CACNG8: variants seen among roughly 807,000 people sequenced by gnomAD.
CACNG8 encodes the protein voltage-dependent calcium channel gamma-8 subunit.
In CACNG8, 5 loss-of-function variants were observed where a neutral mutation model predicts 26.9. That is an observed-to-expected ratio of 0.19 (90% CI 0.10 to 0.39). The LOEUF (loss-of-function observed/expected upper bound fraction) is 0.39, where lower values mean the gene tolerates loss of function less well. CACNG8 is among the 10% of genes least tolerant of loss of function. The pLI, the probability that CACNG8 is intolerant of heterozygous loss-of-function variation, is 1.00. For synonymous variants in CACNG8, 321 were observed against 296.7 expected, an observed-to-expected ratio of 1.08 and a Z score of -0.84; for missense variants, 473 against 609.4, an observed-to-expected ratio of 0.78 and a Z score of 2.36.
Position 53,982,687 on chromosome 19 carries a change from C to T in CACNG8, c.1116C>T (p.Phe372=). ...GCTTCCTCACGCTGCACAACGCCTT[C>T]CCCAAGGAGGCGGGCGGCGGCGTCA... Residue 372 remains phenylalanine, a synonymous_variant, in exon 4 of 4, where the codon TTC becomes TTT. Transcript: ENST00000270458. This position sits in a 1 kb window ranked among gnomAD's most constrained non-coding sequence, Gnocchi z 8.4. 1 of 1,131,698 alleles carries T rather than the reference C, an allele frequency of 8.8e-7. No individual in the cohort carries two copies. The highest frequency in any genetic ancestry group is 1.1e-6 in the Non-Finnish European group (1 of 929,336). 70.1% of individuals were successfully genotyped at this position (1,131,698 alleles called of 1,614,324 possible). A position where few individuals can be genotyped will look rare whatever the true frequency, so the allele number is the denominator to read the frequency against.
chr19:53,963,232 C>T lies in CACNG8; in HGVS notation c.90C>T (p.Ala30=). ...TGCTGACGACGGTGGGCGCCTTCGC[C>T]GCCTTCGGCCTCATGACCATCGCCA... is the stretch of plus-strand genomic sequence containing the variant. Residue 30 remains alanine (A), a synonymous_variant, in exon 1 of 4, where the codon GCC becomes GCT. Coordinates refer to ENST00000270458, the MANE Select transcript of CACNG8 (RefSeq NM_031895.6). 6.2e-7 allele frequency: 1 copy of T among 1,609,106 alleles called. No individual in the cohort carries two copies. The highest frequency in any genetic ancestry group is 8.5e-7 in the Non-Finnish European group (1 of 1,178,580).
In CACNG8 at chr19:53,978,128, C is replaced by T. The variant is rs1336799350; in HGVS notation, c.284-18C>T. 1 of 1,595,666 alleles carries T rather than the reference C, an allele frequency of 6.3e-7. No homozygotes were observed. The highest frequency in any genetic ancestry group is 1.1e-5 in the South Asian group (1 of 89,800). ...CCTGAAGTATCCGCCCCCACCACTG[C>T]CCTCCCCGCTCCTCCAGGGTTGAAA... On this transcript the variant is annotated intron_variant, in intron 1 of 3. Transcript: ENST00000270458.
At chr19:53,963,535 T>C in intron 1 of CACNG8, 110 bp downstream of exon 1, 11 of 1,110,566 alleles carry the variant, frequency 9.9e-6, no homozygotes, top group South Asian at 1.8e-5. Context: ...GCACCCCTCC[T>C]CCTCTGCCAG....
chr19:53,966,080 ATTAT>A (rs531572254), intron 1 of CACNG8, among the ~76,000 whole-genome samples: 21 of 131,134 alleles, frequency 1.6e-4, no homozygotes, highest in African/African-American at 6.3e-4. Context: ...TTTTTTAAAA[ATTAT>A]TTATTTATTT....
chr19:53,988,555 A>T lies in CACNG8; in HGVS notation c.*5706A>T, dbSNP rs1481671684. ...GCAGAGGTTGCAGTGAGCCAAGATC[A>T]CACCACTGCACTCTAGCCTGGGTGA... On this transcript the variant is annotated 3_prime_UTR_variant, in exon 4 of 4. Coordinates refer to ENST00000270458, the MANE Select transcript of CACNG8 (RefSeq NM_031895.6). The T allele has an allele frequency of 6.6e-6, 1 of 151,376 alleles. No homozygotes were observed. Among genetic ancestry groups the T allele is most frequent in the Non-Finnish European group, 1.5e-5 (1 of 67,896 alleles). 9.4% of individuals were successfully genotyped at this position (151,376 alleles called of 1,614,324 possible).
In CACNG8 at chr19:53,988,237, T is replaced by G. The variant is rs760030843; in HGVS notation, c.*5388T>G. Reference sequence around the variant, plus strand: ...GCTGGAGTGGAGGGGAGAGAGAATTTGGGGGGAAGACAGAAGGAAAGGGAA... The same window carrying G: ...GCTGGAGTGGAGGGGAGAGAGAATTGGGGGGGAAGACAGAAGGAAAGGGAA... On this transcript the variant is annotated 3_prime_UTR_variant, in exon 4 of 4. Transcript: ENST00000270458. The G allele has an allele frequency of 3.9e-4, 58 of 148,368 alleles. No homozygotes were observed. Among genetic ancestry groups the G allele is most frequent in the Non-Finnish European group, 6.4e-4 (43 of 67,640 alleles). 9.2% of individuals were successfully genotyped at this position (148,368 alleles called of 1,614,324 possible).
chr19:53,980,264 T>C (rs1600035916), intron 3 of CACNG8, among the ~76,000 whole-genome samples: 1 of 151,822 alleles, frequency 6.6e-6, no homozygotes, highest in South Asian at 2.1e-4. Flanking sequence ...CAGGCAGGTG[T>C]CTGGCGCGTA....
At chr19:53,978,581 C>A (rs1276374148) in intron 2 of CACNG8, among the ~76,000 whole-genome samples, 6 of 151,724 alleles carry the variant, frequency 4.0e-5, no homozygotes, top group Non-Finnish European at 7.4e-5. Context: ...CAATCTGCGG[C>A]GGTGACGGGC....
chr19:53,972,833 G>A lies in CACNG8; in HGVS notation c.284-5313G>A, dbSNP rs529217059. Among the ~76,000 whole-genome samples, 92 of 152,174 alleles carry A rather than the reference G, an allele frequency of 6.0e-4. 1 individual carries two copies. Among genetic ancestry groups the A allele is most frequent in the Non-Finnish European group, 1.0e-3 (71 of 68,010 alleles). On this transcript the variant is annotated intron_variant, in intron 1 of 3. Coordinates refer to ENST00000270458, the MANE Select transcript of CACNG8 (RefSeq NM_031895.6). ...CAGAGAGTTGGATTCCAGAGCCCAC[G>A]ATCAATAACCCCCACAGCCACCAGA...
At chr19:53,981,441 A>G (rs2069367723) in intron 3 of CACNG8, among the ~76,000 whole-genome samples, 1 of 151,238 alleles carries the variant, frequency 6.6e-6, no homozygotes, top group African/African-American at 2.4e-5. Flanking sequence ...GGTGGGGTTT[A>G]GACCAGCAGA....
At position 53,982,017 on chromosome 19, in the gene CACNG8, G is replaced by T; in HGVS notation, c.509-63G>T. ...GCTGGCGCAGGCGGGCAGGGGTCGG[G>T]GCCGGGGGCGGGGGCGGGGCCGGGG... On this transcript the variant is annotated intron_variant, in intron 3 of 3. Coordinates refer to ENST00000270458, the MANE Select transcript of CACNG8 (RefSeq NM_031895.6). The surrounding 1 kb of genome is among the most constrained non-coding windows in gnomAD (Gnocchi z 8.4). The T allele has an allele frequency of 7.4e-6, 11 of 1,495,846 alleles. No homozygotes were observed. The highest frequency in any genetic ancestry group is 8.9e-6 in the Non-Finnish European group (10 of 1,128,064). 92.7% of individuals were successfully genotyped at this position (1,495,846 alleles called of 1,614,324 possible). A position where few individuals can be genotyped will look rare whatever the true frequency, so the allele number is the denominator to read the frequency against.
In CACNG8 at chr19:53,986,167, A is replaced by C. The variant is rs1199889780; in HGVS notation, c.*3318A>C. The C allele has an allele frequency of 6.6e-6, 1 of 152,552 alleles. No individual in the cohort carries two copies. Among genetic ancestry groups the C allele is most frequent in the African/African-American group, 2.4e-5 (1 of 41,424 alleles). The allele number at this position is 152,552 out of a possible 1,614,324, so 9.4% of individuals were successfully genotyped here. A position where few individuals can be genotyped will look rare whatever the true frequency, so the allele number is the denominator to read the frequency against. On this transcript the variant is annotated 3_prime_UTR_variant, in exon 4 of 4. Transcript: ENST00000270458. ...ATAGCAGAAACACACACAGAGACAGAGATAGAGAGGGAGAGGTAAGCCGGA... is the reference window on the plus strand; with the variant it reads ...ATAGCAGAAACACACACAGAGACAGCGATAGAGAGGGAGAGGTAAGCCGGA...
intron 1 of CACNG8, among the ~76,000 whole-genome samples, chr19:53,965,381 T>A (rs1349408542): frequency 6.6e-6 from 1 of 152,072 alleles, no homozygotes; most frequent in African/African-American, 2.4e-5. Flanking sequence ...GTCACCTCCA[T>A]CTGCTCCGTC....
intron 1 of CACNG8, among the ~76,000 whole-genome samples, chr19:53,974,333 C>G (rs889951430): frequency 6.6e-6 from 1 of 152,192 alleles, no homozygotes; most frequent in Non-Finnish European, 1.5e-5. Context: ...ATGTACATAG[C>G]ACATGTTGTT....
chr19:53,964,177 C>T (rs192354145), intron 1 of CACNG8, among the ~76,000 whole-genome samples: 3 of 152,084 alleles, frequency 2.0e-5, no homozygotes, highest in East Asian at 1.9e-4. Context: ...TCCTCTCCCT[C>T]GTGCCCCGTG....
At position 53,979,982 on chromosome 19, in the gene CACNG8, C is replaced by T; in HGVS notation, c.483C>T (p.Gly161=). Residue 161 remains glycine, a synonymous_variant, in exon 3 of 4, where the codon GGC becomes GGT. Coordinates refer to ENST00000270458, the MANE Select transcript of CACNG8 (RefSeq NM_031895.6). ...AGTCCAAGAGGAACATCATTCTGGG[C>T]GCAGGGATCCTGTTCGTGGCAGCAG... 1 of 1,611,358 alleles carries T rather than the reference C, an allele frequency of 6.2e-7. No homozygotes were observed. Among genetic ancestry groups the T allele is most frequent in the South Asian group, 1.1e-5 (1 of 90,514 alleles).
intron 1 of CACNG8, among the ~76,000 whole-genome samples, chr19:53,970,593 A>G (rs866831537): frequency 2.6e-5 from 4 of 151,238 alleles, no homozygotes; most frequent in Admixed American, 2.6e-4. Context: ...CCACCGCACT[A>G]CAGCCTGGGC....
In CACNG8 at chr19:53,980,083, T is replaced by TGTGTGC. The variant is rs1555815529; in HGVS notation, c.508+79_508+80insTGCGTG. 7 of 1,227,572 alleles carry TGTGTGC rather than the reference T, an allele frequency of 5.7e-6. No homozygotes were observed. The African/African-American group carries it at 1.1e-4, about 20-fold the overall frequency. 76.0% of individuals were successfully genotyped at this position (1,227,572 alleles called of 1,614,324 possible). Reference sequence around the variant, plus strand: ...GTGTGTGTGTGTGTGTGTGTGTGTGTGTGCGCGCGCGCGCGTGAGTGCAAG... The same window carrying TGTGTGC: ...GTGTGTGTGTGTGTGTGTGTGTGTGTGTGTGCGTGCGCGCGCGCGCGTGAGTGCAAG... On this transcript the variant is annotated intron_variant, in intron 3 of 3. Coordinates refer to ENST00000270458, the MANE Select transcript of CACNG8 (RefSeq NM_031895.6).
At chr19:53,979,828 C>A in intron 2 of CACNG8, 39 bp from the exon 3 acceptor site, 1 of 1,546,832 alleles carries the variant, frequency 6.5e-7, no homozygotes, top group South Asian at 1.2e-5. Flanking sequence ...TCTGACCGCC[C>A]TCGCTCTCCC....
Sources: gnomAD v4.1 joint callset for allele counts (sites outside exome capture counted in the v4.1 genomes callset) on GRCh38, gnomAD v4.1.1 for gene constraint, Gnocchi (gnomAD v3.1) non-coding constraint, MANE v1.5 for transcripts, NCBI Gene and HGNC (gene_info 2026-07-23, HGNC 2026-07-21) for gene names.